The following CHFR variants were observed in gnomAD, a reference collection of about 807,000 sequenced individuals.
The protein encoded by CHFR is checkpoint with forkhead and ring finger domains.
Under a neutral mutation model 87.6 loss-of-function variants are expected in CHFR, and 57 were observed. That is an observed-to-expected ratio of 0.65 (90% CI 0.53 to 0.81). The LOEUF is 0.81. CHFR is among the 30% of genes least tolerant of loss of function. CHFR has a pLI of 0.00. For synonymous variants in CHFR, 381 were observed against 359.2 expected (o/e 1.06, Z -0.69); for missense variants, 797 against 865.8 (o/e 0.92, Z 1.00).
chr12:132,845,842 T>C (rs1336052290), intron 15 of CHFR, among the ~76,000 whole-genome samples: 1 of 152,150 alleles, frequency 6.6e-6, no homozygotes, highest in Non-Finnish European at 1.5e-5. Context: ...CCCTCCAAGC[T>C]GGCCCCACCT....
rs1230976787 is a variant in CHFR, at chr12:132,840,697, CCTGGGCTTGGGG to C, written c.*845_*856del. Reference sequence around the variant, plus strand: ...GCGCGTCCTGGGACCTGCCTCCAGCCCTGGGCTTGGGGCCGTGGTCACTCACACAAGGGAGCA... The same window carrying C: ...GCGCGTCCTGGGACCTGCCTCCAGCCCCGTGGTCACTCACACAAGGGAGCA... On this transcript the variant is annotated 3_prime_UTR_variant, in exon 18 of 18. Transcript: ENST00000450056. 1.3e-5 allele frequency: 2 copies of C among 152,650 alleles called. No individual in the cohort carries two copies. The highest frequency in any genetic ancestry group is 4.8e-5 in the African/African-American group (2 of 41,452). 9.5% of individuals were successfully genotyped at this position (152,650 alleles called of 1,614,324 possible). A position where few individuals can be genotyped will look rare whatever the true frequency, so the allele number is the denominator to read the frequency against.
At chr12:132,864,160 G>A (rs187435653) in intron 6 of CHFR, among the ~76,000 whole-genome samples, 154 of 149,832 alleles carry the variant, frequency 1.0e-3, no homozygotes, top group African/African-American at 3.5e-3. Flanking sequence ...GTATTCAAAT[G>A]TAAGTGTTAT....
rs1042243774 is a variant in CHFR at position 132,838,198 on chromosome 12, A to AC, written c.*3355dup. 4.6e-5 allele frequency: 7 copies of AC among 152,412 alleles called. No homozygotes were observed. Among genetic ancestry groups the AC allele is most frequent in the African/African-American group, 1.2e-4 (5 of 41,508 alleles). 9.4% of individuals were successfully genotyped at this position (152,412 alleles called of 1,614,324 possible). A position where few individuals can be genotyped will look rare whatever the true frequency, so the allele number is the denominator to read the frequency against. Reference sequence around the variant, plus strand: ...GTGTGGTGCTGGGAGCAGCCCCTGGACCCCGGCTCTCACACCTGGGCCCGA... The same window carrying AC: ...GTGTGGTGCTGGGAGCAGCCCCTGGACCCCCGGCTCTCACACCTGGGCCCGA... On this transcript the variant is annotated 3_prime_UTR_variant, in exon 18 of 18. Transcript: ENST00000450056.
At chr12:132,876,840 G>A (rs942970679) in intron 3 of CHFR, among the ~76,000 whole-genome samples, 10 of 152,170 alleles carry the variant, frequency 6.6e-5, no homozygotes, top group African/African-American at 2.4e-4. Flanking sequence ...CGTTTCCCAG[G>A]CTGGAGTGCA....
intron 2 of CHFR, among the ~76,000 whole-genome samples, chr12:132,881,521 T>G (rs973985519): frequency 5.3e-5 from 8 of 151,910 alleles, no homozygotes; most frequent in Admixed American, 2.0e-4. Context: ...TTCAGAGAAA[T>G]GCAAATTAAA....
intron 4 of CHFR, among the ~76,000 whole-genome samples, chr12:132,871,155 AG>A (rs1951478803): frequency 6.6e-6 from 1 of 152,238 alleles, no homozygotes; most frequent in African/African-American, 2.4e-5. Flanking sequence ...TGTGGTCTTT[AG>A]GTATTTCAGG....
chr12:132,881,797 G>A (rs543287060), intron 2 of CHFR, among the ~76,000 whole-genome samples: 167 of 151,742 alleles, frequency 1.1e-3, no homozygotes, highest in Non-Finnish European at 2.0e-3. Flanking sequence ...GAACCCGGGA[G>A]GCGGAGGTTG....
chr12:132,851,497 G>T, intron 12 of CHFR, 121 bp downstream of exon 12: 1 of 1,192,054 alleles, frequency 8.4e-7, no homozygotes, highest in Non-Finnish European at 1.1e-6. Context: ...TGATCACACT[G>T]ATGGAAAAAA....
Position 132,887,214 on chromosome 12 carries a change from TCC to T in CHFR, c.113_114del (p.Trp38TyrfsTer16). On this transcript the variant is annotated frameshift_variant, in exon 2 of 18. Transcript: ENST00000450056. LOFTEE classifies it high-confidence loss of function. ...EPHVLLRKRE[W>X]TIGRRRGCDL... ...CCCGCACCTCGTCTCCGCCCGATGG[TCC>T]ACTCCCGCTTCCTCAGGAGGACGTG... The T allele has an allele frequency of 1.3e-6, 2 of 1,499,064 alleles. No individual in the cohort carries two copies. Among genetic ancestry groups the T allele is most frequent in the Non-Finnish European group, 1.8e-6 (2 of 1,131,130 alleles). 92.9% of individuals were successfully genotyped at this position (1,499,064 alleles called of 1,614,324 possible).
chr12:132,841,539 AG>A lies in CHFR; in HGVS notation c.*14del. ...TCACCTCCAGTGCTGAAAGCTGCTCAGGGCCTCTGGATGCTTAGTTTTTGAA... is the reference window on the plus strand; with the variant it reads ...TCACCTCCAGTGCTGAAAGCTGCTCAGGCCTCTGGATGCTTAGTTTTTGAA... On this transcript the variant is annotated 3_prime_UTR_variant, in exon 18 of 18. Transcript: ENST00000450056. The A allele has an allele frequency of 6.2e-7, 1 of 1,610,506 alleles. No homozygotes were observed. The highest frequency in any genetic ancestry group is 2.2e-5 in the East Asian group (1 of 44,874).
chr12:132,878,228 T>C (rs906007204), intron 2 of CHFR, among the ~76,000 whole-genome samples: 1 of 152,182 alleles, frequency 6.6e-6, no homozygotes, highest in Admixed American at 6.5e-5. Context: ...CCCAGCACTT[T>C]GAGAAGCTGA....
At chr12:132,853,697 G>T in intron 10 of CHFR, 124 bp from the exon 11 acceptor site, 1 of 1,209,018 alleles carries the variant, frequency 8.3e-7, no homozygotes, top group Non-Finnish European at 1.1e-6. Context: ...GGTGTGAGGG[G>T]AAGGGCCGGG....
chr12:132,864,532 A>G (rs1206549730), intron 6 of CHFR, among the ~76,000 whole-genome samples: 1 of 152,234 alleles, frequency 6.6e-6, no homozygotes, highest in African/African-American at 2.4e-5. Flanking sequence ...GCTGTCACCC[A>G]GGCTGGAGTG....
chr12:132,859,591 C>A (rs969416447), intron 7 of CHFR, among the ~76,000 whole-genome samples: 1 of 152,166 alleles, frequency 6.6e-6, no homozygotes, highest in East Asian at 1.9e-4. Context: ...ACCTCGTGAT[C>A]CACCCGCCTC....
chr12:132,848,523 C>T (rs948175391), intron 13 of CHFR, 118 bp downstream of exon 13: 2 of 770,354 alleles, frequency 2.6e-6, no homozygotes, highest in Non-Finnish European at 4.3e-6. Context: ...ATTTGATGAC[C>T]AACAGTGGCC....
rs1950861538 is a variant in CHFR, at chr12:132,847,893, G to GA, written c.1647+191dup. The stretch of plus-strand genomic sequence containing the variant: ...ACGAAATACCTATTTTTGGAATACG[G>GA]AAAAAACAGACAAACACCAATGGCA... On this transcript the variant is annotated intron_variant, in intron 14 of 17. Coordinates refer to ENST00000450056, the MANE Select transcript of CHFR (RefSeq NM_001161346.2). 5 of 1,430,550 alleles carry GA rather than the reference G, an allele frequency of 3.5e-6. No homozygotes were observed. The Admixed American group carries it at 1.1e-4, about 33-fold the overall frequency. The allele number at this position is 1,430,550 out of a possible 1,614,324, so 88.6% of individuals were successfully genotyped here.
chr12:132,882,035 A>G (rs1051617929), intron 2 of CHFR, among the ~76,000 whole-genome samples: 2 of 152,198 alleles, frequency 1.3e-5, no homozygotes, highest in African/African-American at 4.8e-5. Flanking sequence ...GTGGCCCAGC[A>G]ATTCCATTCA....
In CHFR at chr12:132,861,650, A is replaced by G. The variant is rs1951212330; in HGVS notation, c.584-16T>C. On this transcript the variant is annotated splice_polypyrimidine_tract_variant and intron_variant, in intron 6 of 17. Transcript: ENST00000450056. ...CCCCCAGACCCTGTGAGAGGAATCA[A>G]ACAAGATAGGTGCTGATCCATCCAG... The G allele has an allele frequency of 6.2e-7, 1 of 1,613,002 alleles. No individual in the cohort carries two copies. Among genetic ancestry groups the G allele is most frequent in the Non-Finnish European group, 8.5e-7 (1 of 1,179,218 alleles).
At chr12:132,861,345 C>T in intron 7 of CHFR, 122 bp downstream of exon 7, 1 of 983,002 alleles carries the variant, frequency 1.0e-6, no homozygotes, top group Non-Finnish European at 1.5e-6. Flanking sequence ...AGGCATCAAC[C>T]TGAGGCAGGG....
Sources: gnomAD v4.1 joint callset for allele counts (sites outside exome capture counted in the v4.1 genomes callset) on GRCh38, gnomAD v4.1.1 for gene constraint, MANE v1.5 for transcripts, NCBI Gene and HGNC (gene_info 2026-07-23, HGNC 2026-07-21) for gene names.